The following DNER variants were observed in gnomAD, a reference collection of about 807,000 sequenced individuals.
DNER encodes delta and Notch-like epidermal growth factor-related receptor.
Under a neutral mutation model 78.2 loss-of-function variants are expected in DNER, and 33 were observed. The observed-to-expected ratio is 0.42, with a 90% CI of 0.32 to 0.56. The LOEUF is 0.56. DNER is among the 20% of genes least tolerant of loss of function. The pLI is 0.11. For missense variants in DNER, 918 were observed against 975.3 expected (o/e 0.94, Z 0.78); for synonymous variants, 417 against 384.8 (o/e 1.08, Z -0.98).
At chr2:229,570,359 G>A (rs149490604) in intron 4 of DNER, among the ~76,000 whole-genome samples, 58 of 152,310 alleles carry the variant, frequency 3.8e-4, no homozygotes, top group African/African-American at 1.3e-3. Context: ...TGGGCCAGGT[G>A]TGGTGGCTTA....
intron 1 of DNER, among the ~76,000 whole-genome samples, chr2:229,614,489 T>C (rs1698115742): frequency 2.0e-5 from 3 of 152,226 alleles, no homozygotes; most frequent in Admixed American, 1.3e-4. Flanking sequence ...CCCAGTCTCC[T>C]GGCCTTAACT....
At chr2:229,529,044 C>T (rs1054836624) in intron 5 of DNER, among the ~76,000 whole-genome samples, 7 of 152,144 alleles carry the variant, frequency 4.6e-5, no homozygotes, top group African/African-American at 1.7e-4. Flanking sequence ...GATTGTTCTT[C>T]TGGTAGAAAA....
At chr2:229,427,046 C>G (rs981380707) in intron 8 of DNER, among the ~76,000 whole-genome samples, 2 of 152,156 alleles carry the variant, frequency 1.3e-5, no homozygotes, top group Non-Finnish European at 2.9e-5. Flanking sequence ...GTCAGAAGAC[C>G]CAAATCAGTC....
chr2:229,568,666 G>T (rs560686876), intron 4 of DNER, among the ~76,000 whole-genome samples: 1 of 151,570 alleles, frequency 6.6e-6, no homozygotes, highest in Non-Finnish European at 1.5e-5. Context: ...TTTCTTTTAC[G>T]CATCCCTACT....
intron 1 of DNER, among the ~76,000 whole-genome samples, chr2:229,612,047 G>T (rs575994460): frequency 1.3e-5 from 2 of 152,330 alleles, no homozygotes; most frequent in East Asian, 3.9e-4. Context: ...GCAAACTGAA[G>T]TCAACCATAC....
chr2:229,611,268 C>T (rs1199103617), intron 1 of DNER, among the ~76,000 whole-genome samples: 1 of 151,860 alleles, frequency 6.6e-6, no homozygotes, highest in Admixed American at 6.6e-5. Flanking sequence ...TGTTGGGATC[C>T]AACTACTTAA....
At chr2:229,408,064 C>T (rs1449764139) in intron 9 of DNER, among the ~76,000 whole-genome samples, 2 of 152,044 alleles carry the variant, frequency 1.3e-5, no homozygotes, top group Admixed American at 6.5e-5. Context: ...ATATACAAAA[C>T]TCTATGGAGC....
chr2:229,482,990 G>A (rs1695198178), intron 6 of DNER, among the ~76,000 whole-genome samples: 1 of 152,190 alleles, frequency 6.6e-6, no homozygotes, highest in Admixed American at 6.5e-5. Flanking sequence ...CTTAGTGGGA[G>A]TTACCAATAA....
chr2:229,681,865 C>CACAA (rs1427851639), intron 1 of DNER, among the ~76,000 whole-genome samples: 1 of 145,410 alleles, frequency 6.9e-6, no homozygotes, highest in Non-Finnish European at 1.5e-5. Context: ...CACACACACA[C>CACAA]AAATGTATCG....
chr2:229,363,559 T>C (rs1319146899), intron 12 of DNER, among the ~76,000 whole-genome samples: 3 of 152,230 alleles, frequency 2.0e-5, no homozygotes, highest in African/African-American at 4.8e-5. Flanking sequence ...AGGGAAAGTA[T>C]TGTTTTAATG....
chr2:229,499,993 G>A (rs561648517), intron 6 of DNER, among the ~76,000 whole-genome samples: 4 of 150,378 alleles, frequency 2.7e-5, no homozygotes, highest in East Asian at 3.9e-4. Flanking sequence ...GGAGTGCAGT[G>A]GCACAATCTC....
At chr2:229,674,201 T>G (rs570016295) in intron 1 of DNER, among the ~76,000 whole-genome samples, 1 of 152,354 alleles carries the variant, frequency 6.6e-6, no homozygotes, top group East Asian at 1.9e-4. Flanking sequence ...AAATAGTTCC[T>G]TTGTTTAGCT....
chr2:229,514,758 G>C (rs1465780932), intron 5 of DNER, among the ~76,000 whole-genome samples: 2 of 152,124 alleles, frequency 1.3e-5, no homozygotes, highest in Non-Finnish European at 2.9e-5. Flanking sequence ...GTTTTACACT[G>C]CATAGGAGGA....
intron 6 of DNER, among the ~76,000 whole-genome samples, chr2:229,487,048 T>C (rs994963187): frequency 6.6e-6 from 1 of 152,198 alleles, no homozygotes; most frequent in African/African-American, 2.4e-5. Flanking sequence ...GAATTACACA[T>C]ATAACGCAAA....
At chr2:229,461,512 C>T (rs1014956465) in intron 7 of DNER, among the ~76,000 whole-genome samples, 1 of 151,870 alleles carries the variant, frequency 6.6e-6, no homozygotes, top group Admixed American at 6.6e-5. Context: ...GGTTCAAGCA[C>T]ATTCATGGAC....
At chr2:229,672,783 C>T (rs1699232216) in intron 1 of DNER, among the ~76,000 whole-genome samples, 1 of 152,156 alleles carries the variant, frequency 6.6e-6, no homozygotes, top group African/African-American at 2.4e-5. Context: ...ACAGTAGTCA[C>T]AAGTCTGCCT....
At chr2:229,674,348 G>C (rs142257474) in intron 1 of DNER, among the ~76,000 whole-genome samples, 18 of 152,084 alleles carry the variant, frequency 1.2e-4, no homozygotes, top group African/African-American at 4.3e-4. Context: ...ATGCGATCTC[G>C]GCTTACTGCA....
intron 5 of DNER, among the ~76,000 whole-genome samples, chr2:229,530,799 C>T (rs1696286724): frequency 6.6e-6 from 1 of 152,212 alleles, no homozygotes; most frequent in Admixed American, 6.5e-5. Context: ...TGATCTTAGC[C>T]TTCAAATGCT....
chr2:229,527,323 AC>A (rs1267268801), intron 5 of DNER, among the ~76,000 whole-genome samples: 2 of 152,000 alleles, frequency 1.3e-5, no homozygotes, highest in Non-Finnish European at 2.9e-5. Context: ...ACCTCCCCAA[AC>A]CCAGATCCCT....
Sources: gnomAD v4.1 joint callset for allele counts (sites outside exome capture counted in the v4.1 genomes callset) on GRCh38, gnomAD v4.1.1 for gene constraint, MANE v1.5 for transcripts, NCBI Gene and HGNC (gene_info 2026-07-23, HGNC 2026-07-21) for gene names.